Variants in GRM8 observed in about 807,000 individuals in gnomAD.
The protein encoded by GRM8 is glutamate metabotropic receptor 8.
A neutral mutation model predicts 87.2 loss-of-function variants in GRM8; 47 were observed. The ratio of observed to expected loss-of-function variants is 0.54; its 90% CI spans 0.43 to 0.69. The LOEUF is 0.69. Among genes scored for constraint, GRM8 ranks in the 30% least tolerant of loss-of-function variants. GRM8 has a pLI of 0.00. For synonymous variants in GRM8, 396 were observed against 404.5 expected (o/e 0.98, Z 0.25); for missense variants, 1,019 against 1,139.2 (o/e 0.89, Z 1.52).
chr7:126,532,770 T>C (rs1407361516), intron 9 of GRM8, among the ~76,000 whole-genome samples, 182 bp downstream of exon 9: 1 of 6,192 alleles, frequency 1.6e-4, no homozygotes, highest in South Asian at 7.1e-3. Flanking sequence ...TGGAGATATA[T>C]ATATATATAT....
Position 126,630,955 on chromosome 7 carries a change from C to T in GRM8, c.1358-21457G>A, listed in dbSNP as rs116943821. 5.1e-3 allele frequency among the ~76,000 whole-genome samples: 783 copies of T among 152,186 alleles called. 7 individuals are homozygous for T. The highest frequency in any genetic ancestry group is 0.018 in the African/African-American group (746 of 41,510). On this transcript the variant is annotated intron_variant, in intron 7 of 10. Transcript: ENST00000339582. ...GAATGGGCAAAAGCTGAAAGCATTC[C>T]CCTTGAAAGCTGGCACAAGACAAGG...
At chr7:127,107,812 T>G (rs777772806) in intron 2 of GRM8, among the ~76,000 whole-genome samples, 3 of 152,130 alleles carry the variant, frequency 2.0e-5, no homozygotes, top group Non-Finnish European at 2.9e-5. Context: ...CTAAATAACC[T>G]TCCTAAGTCT....
At chr7:126,609,313 C>A in intron 8 of GRM8, 49 bp downstream of exon 8, 1 of 1,411,694 alleles carries the variant, frequency 7.1e-7, no homozygotes. Context: ...AATAAAGCAT[C>A]CCTCCTGGAG....
intron 6 of GRM8, among the ~76,000 whole-genome samples, chr7:126,849,028 C>T (rs2130695356): frequency 6.6e-6 from 1 of 152,162 alleles, no homozygotes; most frequent in Non-Finnish European, 1.5e-5. Context: ...ATAAAACCAT[C>T]AGATCTCATG....
At chr7:127,178,737 C>T (rs1167571366) in intron 2 of GRM8, among the ~76,000 whole-genome samples, 1 of 152,168 alleles carries the variant, frequency 6.6e-6, no homozygotes, top group Non-Finnish European at 1.5e-5. Flanking sequence ...TCCAGCAAAA[C>T]TAAGCATCAT....
chr7:126,527,109 A>G (rs1813970747), intron 9 of GRM8, among the ~76,000 whole-genome samples: 1 of 152,258 alleles, frequency 6.6e-6, no homozygotes, highest in Non-Finnish European at 1.5e-5. Context: ...CTGTAATCCC[A>G]GCACTTTGGG....
intron 3 of GRM8, among the ~76,000 whole-genome samples, chr7:126,965,299 TA>T (rs1809735827): frequency 6.6e-6 from 1 of 152,028 alleles, no homozygotes. Context: ...CCCCAGAACT[TA>T]AATTTTAAAA....
intron 3 of GRM8, among the ~76,000 whole-genome samples, chr7:127,096,799 G>A (rs1377549503): frequency 6.6e-6 from 1 of 152,146 alleles, no homozygotes; most frequent in Non-Finnish European, 1.5e-5. Flanking sequence ...TAAGAGATTA[G>A]GGTTGGATGA....
intron 6 of GRM8, among the ~76,000 whole-genome samples, chr7:126,807,344 A>T (rs1199864167): frequency 6.6e-6 from 1 of 152,016 alleles, no homozygotes; most frequent in Non-Finnish European, 1.5e-5. Flanking sequence ...GTGCCTTAGG[A>T]AAAAAAAGGA....
intron 8 of GRM8, among the ~76,000 whole-genome samples, chr7:126,587,150 A>T (rs954201684): frequency 8.5e-5 from 13 of 152,146 alleles, no homozygotes; most frequent in East Asian, 3.9e-4. Flanking sequence ...CCAGTTAGAA[A>T]GGCAATCATT....
rs919158283 is a variant in GRM8, at chr7:126,929,906, C to T, written c.728-25223G>A. On this transcript the variant is annotated intron_variant, in intron 3 of 10. Transcript: ENST00000339582. ...AAAGAAACTTAAACTTAAGGAGGACCTAAGGGACAAATTCCCCTGTTTGGG... is the reference window on the plus strand; with the variant it reads ...AAAGAAACTTAAACTTAAGGAGGACTTAAGGGACAAATTCCCCTGTTTGGG... Among the ~76,000 whole-genome samples, 11 of 105,292 alleles carry T rather than the reference C, an allele frequency of 1.0e-4. No individual in the cohort carries two copies. The East Asian group carries it at 3.3e-3, about 32-fold the overall frequency. The allele number at this position is 105,292 out of a possible 152,430, so 69.1% of individuals were successfully genotyped here. A position where few individuals can be genotyped will look rare whatever the true frequency, so the allele number is the denominator to read the frequency against.
At chr7:126,533,923 TC>T in intron 8 of GRM8, 36 bp from the exon 9 acceptor site, 2 of 1,486,004 alleles carry the variant, frequency 1.3e-6, no homozygotes, top group South Asian at 1.2e-5. Context: ...CTTCCATTTT[TC>T]CCCCATTTAT....
intron 2 of GRM8, among the ~76,000 whole-genome samples, chr7:127,186,529 C>T (rs1036484146): frequency 1.3e-5 from 2 of 152,062 alleles, no homozygotes; most frequent in Admixed American, 6.5e-5. Context: ...TGGGTTCCTT[C>T]CCCAAGTTCC....
Position 126,694,422 on chromosome 7 carries a change from C to A in GRM8, c.1357+75443G>T, listed in dbSNP as rs75273178. Among the ~76,000 whole-genome samples the A allele has an allele frequency of 2.7e-3, 411 of 152,228 alleles. 3 individuals are homozygous for A. The highest frequency in any genetic ancestry group is 6.2e-3 in the South Asian group (30 of 4,826). On this transcript the variant is annotated intron_variant, in intron 7 of 10. Transcript: ENST00000339582. ...TGGATAACTGTGAAATAGAGTGTAA[C>A]CAATGATTTGAGTGTAACTGTGATT... is the stretch of plus-strand genomic sequence containing the variant.
intron 6 of GRM8, among the ~76,000 whole-genome samples, chr7:126,878,520 T>A (rs908739238): frequency 1.4e-5 from 1 of 72,574 alleles, no homozygotes; most frequent in African/African-American, 1.1e-4. Flanking sequence ...CGTCTTCTTC[T>A]TTTTTTTTTT....
chr7:126,617,348 A>T (rs1422329289), intron 7 of GRM8, among the ~76,000 whole-genome samples: 1 of 152,226 alleles, frequency 6.6e-6, no homozygotes, highest in East Asian at 1.9e-4. Context: ...AAAAACTCTC[A>T]GTAAATTAGG....
chr7:127,048,757 C>G (rs1308103981), intron 3 of GRM8, among the ~76,000 whole-genome samples: 3 of 152,134 alleles, frequency 2.0e-5, no homozygotes. Flanking sequence ...TGTGAAAATG[C>G]TTCATAAACT....
chr7:126,619,561 T>C (rs2151135430), intron 7 of GRM8, among the ~76,000 whole-genome samples: 1 of 152,180 alleles, frequency 6.6e-6, no homozygotes, highest in South Asian at 2.1e-4. Flanking sequence ...AAAAAAGAAA[T>C]ATAACAAATA....
intron 3 of GRM8, among the ~76,000 whole-genome samples, chr7:127,087,865 T>C (rs988412197): frequency 5.9e-5 from 9 of 152,230 alleles, no homozygotes; most frequent in African/African-American, 1.2e-4. Flanking sequence ...ACCAGTTACA[T>C]TGACATTTTA....
Sources: allele counts gnomAD v4.1 joint callset (sites outside exome capture counted in the v4.1 genomes callset), GRCh38; gene constraint gnomAD v4.1.1; transcripts MANE v1.5; gene names NCBI Gene and HGNC (gene_info 2026-07-23, HGNC 2026-07-21).